CTCF: variants seen among roughly 807,000 people sequenced by gnomAD.
CTCF encodes the protein CCCTC-binding factor, also known as transcriptional repressor CTCF.
A neutral mutation model predicts 72.3 loss-of-function variants in CTCF; 7 were observed. The ratio of observed to expected loss-of-function variants is 0.10; its 90% CI spans 0.06 to 0.18. CTCF has a LOEUF of 0.18. Ranked by LOEUF, CTCF falls within the 10% of genes least tolerant of loss-of-function variation. The pLI is 1.00. For synonymous variants in CTCF, 374 were observed against 315.8 expected (o/e 1.18, Z -1.95); for missense variants, 516 against 949.1 (o/e 0.54, Z 6.00).
intron 5 of CTCF, among the ~76,000 whole-genome samples, chr16:67,620,165 T>C (rs146166772): frequency 6.6e-6 from 1 of 152,326 alleles, no homozygotes; most frequent in African/African-American, 2.4e-5. Flanking sequence ...TAATACATCC[T>C]CATGTGCCTA....
At chr16:67,577,859 G>T (rs772202984) in intron 2 of CTCF, among the ~76,000 whole-genome samples, 1 of 152,300 alleles carries the variant, frequency 6.6e-6, no homozygotes, top group East Asian at 1.9e-4. Flanking sequence ...TGTTAGAGGG[G>T]ATTGAGGTTG....
In CTCF at chr16:67,590,046, C is replaced by T. The variant is rs2051718673; in HGVS notation, c.-10+18782C>T. Among the ~76,000 whole-genome samples, 3 of 152,012 alleles carry T rather than the reference C, an allele frequency of 2.0e-5. No individual in the cohort carries two copies. In the South Asian group the frequency reaches 6.2e-4, roughly 32 times the overall value. On this transcript the variant is annotated intron_variant, in intron 2 of 11. Transcript: ENST00000264010. ...CCGTTGCAGTGAGCCAAGATGGCGC[C>T]ATTGCACTCCAGACTGGTCAACAAG...
intron 5 of CTCF, among the ~76,000 whole-genome samples, chr16:67,619,264 C>T (rs1023045602): frequency 6.6e-6 from 1 of 152,036 alleles, no homozygotes; most frequent in Non-Finnish European, 1.5e-5. Flanking sequence ...GGTGAAACCC[C>T]GTCTCTACTA....
chr16:67,625,712 G>A (rs1420868339), intron 7 of CTCF, among the ~76,000 whole-genome samples: 1 of 152,012 alleles, frequency 6.6e-6, no homozygotes, highest in African/African-American at 2.4e-5. Context: ...ATATAACTGT[G>A]TATCCCTTGC....
chr16:67,600,348 C>T (rs2051870440), intron 2 of CTCF, among the ~76,000 whole-genome samples: 1 of 152,048 alleles, frequency 6.6e-6, no homozygotes. Context: ...AAATGATCCT[C>T]CTGCCTCAGC....
intron 2 of CTCF, among the ~76,000 whole-genome samples, chr16:67,576,292 A>G (rs2051495535): frequency 6.6e-6 from 1 of 152,120 alleles, no homozygotes; most frequent in African/African-American, 2.4e-5. Flanking sequence ...CAGAAGCTCA[A>G]TAAGTAATTA....
chr16:67,631,753 G>A (rs980007731), intron 10 of CTCF, among the ~76,000 whole-genome samples: 1 of 129,808 alleles, frequency 7.7e-6, no homozygotes, highest in African/African-American at 3.0e-5. Context: ...TCAGTCACTG[G>A]GTGTTAAGTG....
rs756272782 is a variant in CTCF at position 67,616,727 on chromosome 16, A to T, written c.953-18A>T. The T allele has an allele frequency of 1.9e-6, 3 of 1,613,722 alleles. No homozygotes were observed. The Admixed American group carries it at 5.0e-5, about 27-fold the overall frequency. ...TGCCCTTGATCTTGCTCTTCCTGTT[A>T]CTCCATCCTTTCTCTAGGTACTCGT... On this transcript the variant is annotated intron_variant, in intron 4 of 11. Transcript: ENST00000264010.
At chr16:67,608,574 T>G (rs1669538167) in intron 2 of CTCF, among the ~76,000 whole-genome samples, 1 of 152,096 alleles carries the variant, frequency 6.6e-6, no homozygotes, top group African/African-American at 2.4e-5. Context: ...GTATAAAGTT[T>G]CAGTTATGCA....
chr16:67,584,643 T>A (rs562610019), intron 2 of CTCF, among the ~76,000 whole-genome samples: 2 of 151,788 alleles, frequency 1.3e-5, no homozygotes, highest in Admixed American at 6.6e-5. Context: ...TTTTTTTTTT[T>A]AAACTGTAAA....
rs1469035576 is a variant in CTCF, at chr16:67,604,368, GA to G, written c.-9-6455del. Among the ~76,000 whole-genome samples the G allele has an allele frequency of 1.5e-4, 23 of 152,234 alleles. 1 individual carries two copies. In the East Asian group the frequency reaches 4.1e-3, roughly 27 times the overall value. The stretch of plus-strand genomic sequence containing the variant: ...GTTTTGTTTGTTTGTTTTTGAGACA[GA>G]GTCTCGCTCTGTTGCCAGGCTGGAG... On this transcript the variant is annotated intron_variant, in intron 2 of 11. Coordinates refer to ENST00000264010, the MANE Select transcript of CTCF (RefSeq NM_006565.4).
chr16:67,566,502 T>G (rs2051344291), intron 1 of CTCF, among the ~76,000 whole-genome samples: 1 of 140,200 alleles, frequency 7.1e-6, no homozygotes, highest in Non-Finnish European at 1.5e-5. Flanking sequence ...AGAGTGAGAC[T>G]TTGTCTCAAA....
intron 2 of CTCF, among the ~76,000 whole-genome samples, chr16:67,581,914 A>G (rs2051588000): frequency 6.6e-6 from 1 of 152,130 alleles, no homozygotes; most frequent in Non-Finnish European, 1.5e-5. Flanking sequence ...GAGCCACCTC[A>G]CACAGCCTCT....
intron 10 of CTCF, among the ~76,000 whole-genome samples, chr16:67,629,991 T>G (rs2052343329): frequency 6.6e-6 from 1 of 151,682 alleles, no homozygotes; most frequent in African/African-American, 2.4e-5. Context: ...TTAGCCAGAA[T>G]GGTCTCGATC....
intron 5 of CTCF, among the ~76,000 whole-genome samples, chr16:67,619,039 A>C (rs1038995383): frequency 2.0e-5 from 3 of 152,240 alleles, no homozygotes; most frequent in African/African-American, 7.2e-5. Context: ...GTTCTGGTAC[A>C]TATTGAAATT....
At chr16:67,563,316 C>G (rs1164871148) in intron 1 of CTCF, 1 of 152,310 alleles carries the variant, frequency 6.6e-6, no homozygotes, top group Non-Finnish European at 1.5e-5. Flanking sequence ...GCGTGCCTTC[C>G]CAGCTGCTTG....
At chr16:67,608,778 C>T (rs1332692361) in intron 2 of CTCF, among the ~76,000 whole-genome samples, 1 of 151,360 alleles carries the variant, frequency 6.6e-6, no homozygotes, top group Non-Finnish European at 1.5e-5. Flanking sequence ...TTCTTGTTGC[C>T]CAGGCTGCAC....
At chr16:67,575,678 G>A (rs1046706333) in intron 2 of CTCF, among the ~76,000 whole-genome samples, 10 of 151,882 alleles carry the variant, frequency 6.6e-5, no homozygotes, top group Non-Finnish European at 1.0e-4. Context: ...CCTGACCTCA[G>A]GTGATCCGCC....
intron 2 of CTCF, chr16:67,572,680 C>T (rs1469742212): frequency 6.6e-6 from 1 of 152,146 alleles, no homozygotes; most frequent in Non-Finnish European, 1.5e-5. Context: ...TCCAAAATCC[C>T]AGTAATCCTA....
Sources: gnomAD v4.1 joint callset for allele counts (sites outside exome capture counted in the v4.1 genomes callset) on GRCh38, gnomAD v4.1.1 for gene constraint, MANE v1.5 for transcripts, NCBI Gene and HGNC (gene_info 2026-07-23, HGNC 2026-07-21) for gene names.